ADIPOR2: variants seen among roughly 807,000 people sequenced by gnomAD.
The protein encoded by ADIPOR2 is adiponectin receptor protein 2.
In ADIPOR2, 18 loss-of-function variants were observed where a neutral mutation model predicts 40.9. The ratio of observed to expected loss-of-function variants is 0.44; its 90% confidence interval spans 0.30 to 0.65. The LOEUF (loss-of-function observed/expected upper bound fraction) is 0.65, where lower values mean the gene tolerates loss of function less well. Among genes scored for constraint, ADIPOR2 ranks in the 30% least tolerant of loss-of-function variants. ADIPOR2 has a pLI of 0.09. For missense variants in ADIPOR2, 283 were observed against 479.2 expected (o/e 0.59, Z 3.82); for synonymous variants, 165 against 166.4 (o/e 0.99, Z 0.06).
At chr12:1,785,656 C>CT (rs1862814564) in intron 7 of ADIPOR2, among the ~76,000 whole-genome samples, 1 of 85,648 alleles carries the variant, frequency 1.2e-5, no homozygotes, top group Non-Finnish European at 3.2e-5. Context: ...GCAAGAGAGT[C>CT]TGTGTGTCAT....
At chr12:1,776,640 C>T (rs1164398139) in intron 3 of ADIPOR2, among the ~76,000 whole-genome samples, 3 of 152,092 alleles carry the variant, frequency 2.0e-5, no homozygotes, top group Admixed American at 6.5e-5. Flanking sequence ...GAGGGGATAT[C>T]GGATTCCTGA....
intron 2 of ADIPOR2, chr12:1,760,580 G>A (rs895849029): frequency 6.6e-6 from 1 of 152,084 alleles, no homozygotes; most frequent in Non-Finnish European, 1.5e-5. Context: ...TAAGGCATGT[G>A]GTGTTTTGTA....
Position 1,786,078 on chromosome 12 carries a change from A to G in ADIPOR2, c.*6A>G. Reference sequence around the variant, plus strand: ...GTGAAGAGGATGCACTGTGATACCTACCAGTCTCCAGGGACTATGACCCTA... The same window carrying G: ...GTGAAGAGGATGCACTGTGATACCTGCCAGTCTCCAGGGACTATGACCCTA... On this transcript the variant is annotated 3_prime_UTR_variant, in exon 8 of 8. Coordinates refer to ENST00000357103, the MANE Select transcript of ADIPOR2 (RefSeq NM_024551.3). 4 of 1,613,126 alleles carry G rather than the reference A, an allele frequency of 2.5e-6. No homozygotes were observed. Among genetic ancestry groups the G allele is most frequent in the Non-Finnish European group, 3.4e-6 (4 of 1,179,828 alleles).
At position 1,706,774 on chromosome 12, in the gene ADIPOR2, C is replaced by G. The variant is rs377031335; in HGVS notation, c.-87+15583C>G. On this transcript the variant is annotated intron_variant, in intron 1 of 7. Transcript: ENST00000357103. ...TCACAGTCAGTGCACCACACCCCTC[C>G]CCTCCTCTGGTTCAAGGAAACCACT... Among the ~76,000 whole-genome samples, 11 of 152,240 alleles carry G rather than the reference C, an allele frequency of 7.2e-5. No individual in the cohort carries two copies. In the East Asian group the frequency reaches 2.1e-3, roughly 29 times the overall value.
chr12:1,740,730 G>A (rs951404500), intron 1 of ADIPOR2, among the ~76,000 whole-genome samples: 2 of 152,170 alleles, frequency 1.3e-5, no homozygotes, highest in African/African-American at 2.4e-5. Context: ...GTATGTGTGT[G>A]TACTATGTGA....
chr12:1,753,339 A>G (rs1449534151), intron 1 of ADIPOR2, among the ~76,000 whole-genome samples: 1 of 152,240 alleles, frequency 6.6e-6, no homozygotes, highest in African/African-American at 2.4e-5. Flanking sequence ...AGTGCCAAGG[A>G]CTTGAAAAGC....
At chr12:1,710,013 T>TG (rs1168281382) in intron 1 of ADIPOR2, among the ~76,000 whole-genome samples, 1 of 152,202 alleles carries the variant, frequency 6.6e-6, no homozygotes, top group African/African-American at 2.4e-5. Context: ...AGTTTTCTGT[T>TG]GTTGGTTCTA....
intron 2 of ADIPOR2, among the ~76,000 whole-genome samples, chr12:1,771,148 G>A (rs1025062828): frequency 1.6e-4 from 24 of 151,202 alleles, no homozygotes; most frequent in Non-Finnish European, 3.2e-4. Flanking sequence ...CACAGACCTC[G>A]TCTCTACACA....
chr12:1,747,322 A>G (rs960227046), intron 1 of ADIPOR2, among the ~76,000 whole-genome samples: 4 of 152,220 alleles, frequency 2.6e-5, no homozygotes, highest in African/African-American at 9.6e-5. Context: ...AAAATTCACA[A>G]ATATGTGGAA....
intron 7 of ADIPOR2, 80 bp downstream of exon 7, chr12:1,784,153 A>C: frequency 7.1e-7 from 1 of 1,401,248 alleles, no homozygotes; most frequent in Non-Finnish European, 9.5e-7. Flanking sequence ...CAATAGAAAA[A>C]GTTTTAGACA....
chr12:1,770,060 G>A (rs1862464998), intron 2 of ADIPOR2, among the ~76,000 whole-genome samples: 1 of 151,718 alleles, frequency 6.6e-6, no homozygotes, highest in South Asian at 2.1e-4. Context: ...TGGGACTGCA[G>A]ACAGGCACGC....
chr12:1,754,622 G>T, intron 2 of ADIPOR2, 108 bp downstream of exon 2: 2 of 1,127,802 alleles, frequency 1.8e-6, no homozygotes, highest in Non-Finnish European at 2.4e-6. Context: ...GGGAGGATGG[G>T]GTGGTAAGAA....
At chr12:1,749,832 GT>G (rs57852014) in intron 1 of ADIPOR2, among the ~76,000 whole-genome samples, 20,920 of 119,148 alleles carry the variant, frequency 0.18, 1,021 homozygotes, top group African/African-American at 0.28. Context: ...TATTTGTTTA[GT>G]TTTTTTTTTT....
chr12:1,739,139 A>G (rs929651810), intron 1 of ADIPOR2, among the ~76,000 whole-genome samples: 1 of 152,252 alleles, frequency 6.6e-6, no homozygotes, highest in Admixed American at 6.5e-5. Flanking sequence ...TTCAGAAGAC[A>G]GTTGAAAATT....
intron 1 of ADIPOR2, among the ~76,000 whole-genome samples, chr12:1,714,628 G>A (rs899917179): frequency 6.6e-6 from 1 of 152,020 alleles, no homozygotes; most frequent in African/African-American, 2.4e-5. Flanking sequence ...AGATGTTCAC[G>A]ACTCCAGTCC....
At chr12:1,751,730 A>G (rs1175677880) in intron 1 of ADIPOR2, among the ~76,000 whole-genome samples, 2 of 151,366 alleles carry the variant, frequency 1.3e-5, no homozygotes, top group Non-Finnish European at 2.9e-5. Flanking sequence ...TTGTTGCCCA[A>G]GCTGGTTTCG....
chr12:1,758,814 A>C (rs1051868321), intron 2 of ADIPOR2, among the ~76,000 whole-genome samples: 1 of 152,234 alleles, frequency 6.6e-6, no homozygotes, highest in African/African-American at 2.4e-5. Flanking sequence ...GGATAATTCT[A>C]GTAATATCTT....
chr12:1,699,796 G>C (rs1592569504), intron 1 of ADIPOR2, among the ~76,000 whole-genome samples: 1 of 152,142 alleles, frequency 6.6e-6, no homozygotes, highest in South Asian at 2.1e-4. Flanking sequence ...AAGTACATTT[G>C]GTATTTAGAA....
chr12:1,724,645 T>A (rs1473796089), intron 1 of ADIPOR2, among the ~76,000 whole-genome samples: 1 of 152,204 alleles, frequency 6.6e-6, no homozygotes, highest in Non-Finnish European at 1.5e-5. Flanking sequence ...GTAAATTTTA[T>A]GTTATGTGTA....
Sources: allele counts gnomAD v4.1 joint callset (sites outside exome capture counted in the v4.1 genomes callset), GRCh38; gene constraint gnomAD v4.1.1; transcripts MANE v1.5; gene names NCBI Gene and HGNC (gene_info 2026-07-23, HGNC 2026-07-21).